The following KIF16B variants were observed in gnomAD, a reference collection of about 807,000 sequenced individuals.
KIF16B encodes kinesin family member 16B, also known as kinesin-like protein KIF16B.
A neutral mutation model predicts 156.3 loss-of-function variants in KIF16B; 98 were observed. The ratio of observed to expected loss-of-function variants is 0.63; its 90% confidence interval spans 0.53 to 0.74. The LOEUF is 0.74. Among genes scored for constraint, KIF16B ranks in the 30% least tolerant of loss-of-function variants. The probability of loss-of-function intolerance (pLI) is 0.00; values close to 1 mark genes in which losing one functional copy is unlikely to be tolerated. For missense variants in KIF16B, 1,421 were observed against 1,606.5 expected, an observed-to-expected ratio of 0.88 and a Z score of 1.97; for synonymous variants, 564 against 583.7, an observed-to-expected ratio of 0.97 and a Z score of 0.49.
chr20:16,445,531 T>A (rs75025918), intron 12 of KIF16B, among the ~76,000 whole-genome samples: 1 of 149,592 alleles, frequency 6.7e-6, no homozygotes, highest in African/African-American at 2.5e-5. Context: ...AAAAAAAAAA[T>A]CACAAATGGC....
chr20:16,430,309 T>G (rs2066464274), intron 12 of KIF16B, among the ~76,000 whole-genome samples: 1 of 152,186 alleles, frequency 6.6e-6, no homozygotes, highest in African/African-American at 2.4e-5. Flanking sequence ...TGCCATTTAA[T>G]ATCAAGATGT....
intron 25 of KIF16B, among the ~76,000 whole-genome samples, chr20:16,293,143 A>G (rs1324429727): frequency 1.3e-5 from 2 of 152,240 alleles, no homozygotes; most frequent in Admixed American, 6.5e-5. Flanking sequence ...TAAGAAAGGA[A>G]ATCATTAAGG....
At chr20:16,570,128 T>C (rs1012718691) in intron 1 of KIF16B, among the ~76,000 whole-genome samples, 1 of 152,236 alleles carries the variant, frequency 6.6e-6, no homozygotes, top group African/African-American at 2.4e-5. Flanking sequence ...CACCAAATGA[T>C]TTACGCTATA....
intron 1 of KIF16B, among the ~76,000 whole-genome samples, chr20:16,562,955 A>G (rs940871312): frequency 2.0e-5 from 3 of 152,228 alleles, no homozygotes; most frequent in Admixed American, 6.5e-5. Flanking sequence ...AATTCCTAGC[A>G]AGTGAATGAG....
intron 25 of KIF16B, among the ~76,000 whole-genome samples, chr20:16,279,891 C>T (rs1177255562): frequency 1.3e-5 from 2 of 152,152 alleles, no homozygotes; most frequent in Admixed American, 1.3e-4. Flanking sequence ...AAATGAACTC[C>T]CTACAGCAAT....
chr20:16,558,995 T>C (rs2070959008), intron 1 of KIF16B, among the ~76,000 whole-genome samples: 1 of 152,002 alleles, frequency 6.6e-6, no homozygotes, highest in African/African-American at 2.4e-5. Context: ...ATTGTGAAGA[T>C]GAAAATATAT....
At chr20:16,344,607 C>T (rs953792226) in intron 23 of KIF16B, among the ~76,000 whole-genome samples, 3 of 152,154 alleles carry the variant, frequency 2.0e-5, no homozygotes, top group Admixed American at 1.3e-4. Flanking sequence ...GAACAGTCCC[C>T]CAAACTGAGT....
intron 24 of KIF16B, among the ~76,000 whole-genome samples, chr20:16,319,399 T>C (rs943108328): frequency 2.6e-5 from 4 of 152,180 alleles, no homozygotes; most frequent in African/African-American, 9.7e-5. Context: ...GGACTTCTGG[T>C]TTCTGATCCT....
At chr20:16,275,771 A>G (rs2063051747) in intron 25 of KIF16B, among the ~76,000 whole-genome samples, 1 of 152,218 alleles carries the variant, frequency 6.6e-6, no homozygotes. Context: ...TCAGAGGGGC[A>G]AAGAGAGACC....
chr20:16,281,380 C>T (rs2063144148), intron 25 of KIF16B, among the ~76,000 whole-genome samples: 1 of 152,062 alleles, frequency 6.6e-6, no homozygotes, highest in Admixed American at 6.6e-5. Context: ...AATGCATCAT[C>T]CACTGATGGG....
chr20:16,415,378 G>A (rs754471891), intron 15 of KIF16B, among the ~76,000 whole-genome samples: 3 of 152,088 alleles, frequency 2.0e-5, no homozygotes, highest in African/African-American at 2.4e-5. Context: ...TGTTCCTTCC[G>A]AAATAGTTCT....
intron 10 of KIF16B, among the ~76,000 whole-genome samples, chr20:16,501,634 T>C (rs1278138130): frequency 1.3e-5 from 2 of 152,152 alleles, no homozygotes; most frequent in Non-Finnish European, 2.9e-5. Context: ...AGCTGGAATA[T>C]CTTTGCATGA....
At chr20:16,317,524 G>A (rs2122756749) in intron 24 of KIF16B, among the ~76,000 whole-genome samples, 1 of 152,306 alleles carries the variant, frequency 6.6e-6, no homozygotes, top group South Asian at 2.1e-4. Context: ...CTTTTTTGGA[G>A]AGAGTCTCAT....
chr20:16,464,052 G>A (rs1397232585), intron 12 of KIF16B, among the ~76,000 whole-genome samples: 1 of 152,092 alleles, frequency 6.6e-6, no homozygotes, highest in Non-Finnish European at 1.5e-5. Context: ...TGAAGGGAAA[G>A]CCCAGTACAT....
In KIF16B at chr20:16,436,022, T is replaced by C. The variant is rs568479514; in HGVS notation, c.1303-6040A>G. On this transcript the variant is annotated intron_variant, in intron 12 of 25. Transcript: ENST00000354981. ...CCATGAAGTGTGATTTCATCTATAT[T>C]GGGATCTTTTATCTTTTGCGTGCTA... Among the ~76,000 whole-genome samples, 180 of 152,314 alleles carry C rather than the reference T, an allele frequency of 1.2e-3. 1 individual carries two copies. Among genetic ancestry groups the C allele is most frequent in the African/African-American group, 3.9e-3 (164 of 41,562 alleles).
chr20:16,310,676 T>A (rs189436374), intron 25 of KIF16B, among the ~76,000 whole-genome samples: 107 of 152,344 alleles, frequency 7.0e-4, no homozygotes, highest in Admixed American at 1.3e-3. Context: ...TGTAATTTTT[T>A]AATTTTTTTT....
intron 24 of KIF16B, among the ~76,000 whole-genome samples, chr20:16,316,787 C>T (rs1207835411): frequency 1.3e-5 from 2 of 152,144 alleles, no homozygotes; most frequent in African/African-American, 2.4e-5. Context: ...CTGTAGGTTT[C>T]ATTTCTGAAG....
intron 25 of KIF16B, among the ~76,000 whole-genome samples, 157 bp from the exon 26 acceptor site, chr20:16,273,568 G>A (rs1435982958): frequency 6.6e-6 from 1 of 152,032 alleles, no homozygotes; most frequent in Non-Finnish European, 1.5e-5. Flanking sequence ...GTGCACTGAG[G>A]CAGGAGGATC....
chr20:16,308,864 T>C (rs1463705521), intron 25 of KIF16B, among the ~76,000 whole-genome samples: 2 of 152,212 alleles, frequency 1.3e-5, no homozygotes, highest in African/African-American at 4.8e-5. Context: ...AACTAACACA[T>C]CAGAGACTGG....
Sources: gnomAD v4.1 joint callset for allele counts (sites outside exome capture counted in the v4.1 genomes callset) on GRCh38, gnomAD v4.1.1 for gene constraint, MANE v1.5 for transcripts, NCBI Gene and HGNC (gene_info 2026-07-23, HGNC 2026-07-21) for gene names.